The following SBF2 variants were observed in gnomAD, a reference collection of about 807,000 sequenced individuals.
SBF2 encodes the protein myotubularin-related protein 13.
Under a neutral mutation model 225.2 loss-of-function variants are expected in SBF2, and 112 were observed. That is an observed-to-expected ratio of 0.50 (90% CI 0.43 to 0.58). The LOEUF (loss-of-function observed/expected upper bound fraction) is 0.58. Among genes scored for constraint, SBF2 ranks in the 20% least tolerant of loss-of-function variants. The pLI, the probability that SBF2 is intolerant of heterozygous loss-of-function variation, is 0.00. For synonymous variants in SBF2, 763 were observed against 773.3 expected, an observed-to-expected ratio of 0.99 and a Z score of 0.22; for missense variants, 1,996 against 2,206.2, an observed-to-expected ratio of 0.90 and a Z score of 1.91.
At chr11:10,034,099 G>A (rs1213366389) in intron 3 of SBF2, among the ~76,000 whole-genome samples, 1 of 152,106 alleles carries the variant, frequency 6.6e-6, no homozygotes, top group East Asian at 1.9e-4. Flanking sequence ...ATTATTCCTT[G>A]CTTTTAGTAG....
intron 1 of SBF2, among the ~76,000 whole-genome samples, chr11:10,216,544 A>C (rs1958136089): frequency 6.6e-6 from 1 of 152,264 alleles, no homozygotes. Flanking sequence ...TAGAAGAATT[A>C]GTTCAGAGTA....
chr11:10,010,666 T>C (rs1948411659), intron 6 of SBF2, among the ~76,000 whole-genome samples: 1 of 152,226 alleles, frequency 6.6e-6, no homozygotes, highest in South Asian at 2.1e-4. Context: ...TGAGGTCAGG[T>C]AGCATGATGT....
In SBF2 at chr11:10,232,319, C is replaced by T. The variant is rs946550824; in HGVS notation, c.56-38332G>A. Among the ~76,000 whole-genome samples the T allele has an allele frequency of 2.6e-5, 4 of 152,198 alleles. No individual in the cohort carries two copies. The East Asian group carries it at 5.8e-4, about 22-fold the overall frequency. On this transcript the variant is annotated intron_variant, in intron 1 of 39. Transcript: ENST00000256190. ...GGTGCGCTGCACCCACTATCCTGCA[C>T]CCACTGTCCGGCACTCCCCAGTGAG...
intron 22 of SBF2, among the ~76,000 whole-genome samples, chr11:9,848,200 T>C (rs1856690694): frequency 1.3e-5 from 2 of 152,178 alleles, no homozygotes; most frequent in Admixed American, 1.3e-4. Flanking sequence ...ATCTGTAATC[T>C]AGAAAAATTC....
intron 30 of SBF2, 119 bp downstream of exon 30, chr11:9,812,413 G>A: frequency 5.7e-6 from 6 of 1,046,596 alleles, no homozygotes; most frequent in Non-Finnish European, 8.6e-6. Context: ...ACACAATGAA[G>A]GAGGAGAATG....
At chr11:10,242,200 C>T (rs186103227) in intron 1 of SBF2, among the ~76,000 whole-genome samples, 177 of 151,992 alleles carry the variant, frequency 1.2e-3, no homozygotes, top group Non-Finnish European at 1.8e-3. Context: ...CATAAAGAGT[C>T]GTTCTGACAT....
intron 16 of SBF2, among the ~76,000 whole-genome samples, chr11:9,931,787 A>C (rs1443884515): frequency 1.3e-5 from 2 of 152,230 alleles, no homozygotes; most frequent in African/African-American, 4.8e-5. Flanking sequence ...GACTTTGATG[A>C]GTTGACAGAA....
At chr11:10,000,621 G>A (rs990393592) in intron 8 of SBF2, among the ~76,000 whole-genome samples, 2 of 152,064 alleles carry the variant, frequency 1.3e-5, no homozygotes, top group Admixed American at 6.5e-5. Flanking sequence ...AATATCAAAA[G>A]TATAAATAGA....
At chr11:9,905,454 C>T (rs1862048579) in intron 16 of SBF2, among the ~76,000 whole-genome samples, 1 of 152,186 alleles carries the variant, frequency 6.6e-6, no homozygotes, top group Non-Finnish European at 1.5e-5. Flanking sequence ...TAACGATTTT[C>T]ATTTACTCAA....
chr11:9,932,558 A>G lies in SBF2; in HGVS notation c.1860+29399T>C, dbSNP rs1163268999. 3.9e-5 allele frequency among the ~76,000 whole-genome samples: 6 copies of G among 152,184 alleles called. No homozygotes were observed. In the East Asian group the frequency reaches 7.7e-4, roughly 20 times the overall value. On this transcript the variant is annotated intron_variant, in intron 16 of 39. Transcript: ENST00000256190. ...GCTTCATAAATGAAGGAGAAATAAAATCCTTTACAGACAAGCAAATGCTGA... is the reference window on the plus strand; with the variant it reads ...GCTTCATAAATGAAGGAGAAATAAAGTCCTTTACAGACAAGCAAATGCTGA...
At chr11:10,237,410 C>G (rs549758100) in intron 1 of SBF2, among the ~76,000 whole-genome samples, 1 of 152,204 alleles carries the variant, frequency 6.6e-6, no homozygotes, top group South Asian at 2.1e-4. Context: ...TGTTAAATAC[C>G]TGATGCTTGG....
intron 1 of SBF2, among the ~76,000 whole-genome samples, chr11:10,274,426 G>A (rs1371220000): frequency 2.6e-5 from 4 of 152,108 alleles, no homozygotes; most frequent in Admixed American, 2.6e-4. Context: ...ATTTTATTAA[G>A]AGAATTAGAA....
chr11:9,789,554 C>A (rs1470960676), intron 34 of SBF2, among the ~76,000 whole-genome samples: 1 of 152,158 alleles, frequency 6.6e-6, no homozygotes, highest in Non-Finnish European at 1.5e-5. Context: ...AGAAATGTAA[C>A]TTCCTAATGA....
intron 1 of SBF2, among the ~76,000 whole-genome samples, chr11:10,279,193 C>T (rs1044592853): frequency 6.7e-6 from 1 of 150,280 alleles, no homozygotes; most frequent in Non-Finnish European, 1.5e-5. Flanking sequence ...GGGTGGATCA[C>T]CTGATGTCAG....
chr11:9,953,801 G>C (rs1478326363), intron 16 of SBF2, among the ~76,000 whole-genome samples: 1 of 152,024 alleles, frequency 6.6e-6, no homozygotes, highest in Non-Finnish European at 1.5e-5. Flanking sequence ...CAAAATAATG[G>C]TTTATATTTG....
intron 1 of SBF2, among the ~76,000 whole-genome samples, chr11:10,293,652 G>A (rs1964314786): frequency 6.6e-6 from 1 of 152,224 alleles, no homozygotes. Flanking sequence ...ACTTAGCACA[G>A]TTGGCTCCCG....
chr11:10,025,507 T>C (rs919892007), intron 6 of SBF2, among the ~76,000 whole-genome samples: 14 of 152,118 alleles, frequency 9.2e-5, no homozygotes, highest in Non-Finnish European at 1.9e-4. Flanking sequence ...TAGGAAAAAA[T>C]GGTCCCAAAT....
chr11:9,839,458 G>A, intron 26 of SBF2, 40 bp downstream of exon 26: 1 of 1,585,906 alleles, frequency 6.3e-7, no homozygotes, highest in Non-Finnish European at 8.7e-7. Flanking sequence ...TAAGAAGAAA[G>A]GAAGGAAGAC....
Position 9,817,004 on chromosome 11 carries a change from A to G in SBF2, c.3814T>C (p.Ser1272Pro). The change falls in exon 29 of 40, where the codon TCT becomes CCT. Residue 1272 changes from serine (S) to proline (P), a missense_variant. Physicochemically the swap from Ser to Pro is moderately conservative, Grantham distance 74. Transcript: ENST00000256190. ...GGAGAGCTGATCAAGCGAGTGCTAG[A>G]GCGAAGACTTGCCCACACACCTTCA... ...LSPGVWASLR[S>P]STRLISSPTS... 1.2e-6 allele frequency: 2 copies of G among 1,614,154 alleles called. No homozygotes were observed. Among genetic ancestry groups the G allele is most frequent in the Non-Finnish European group, 1.7e-6 (2 of 1,180,018 alleles).
Sources: gnomAD v4.1 joint callset for allele counts (sites outside exome capture counted in the v4.1 genomes callset) on GRCh38, gnomAD v4.1.1 for gene constraint, MANE v1.5 for transcripts, NCBI Gene and HGNC (gene_info 2026-07-23, HGNC 2026-07-21) for gene names.